Variants in LRP5 observed in about 807,000 individuals in gnomAD.
LRP5 encodes the protein LDL receptor related protein 5.
In LRP5, 62 loss-of-function variants were observed where a neutral mutation model predicts 154.1. That is an observed-to-expected ratio of 0.40 (90% CI 0.33 to 0.50). The LOEUF (loss-of-function observed/expected upper bound fraction) is 0.50. Ranked by LOEUF, LRP5 falls within the 20% of genes least tolerant of loss-of-function variation. LRP5 has a pLI of 0.55. For missense variants in LRP5, 1,915 were observed against 2,336.7 expected (o/e 0.82, Z 3.72); for synonymous variants, 966 against 1,011.5 (o/e 0.96, Z 0.85).
At position 68,386,812 on chromosome 11, in the gene LRP5, T is replaced by A; in HGVS notation, c.1412+100T>A. On this transcript the variant is annotated intron_variant, in intron 6 of 22. Coordinates refer to ENST00000294304, the MANE Select transcript of LRP5 (RefSeq NM_002335.4). The surrounding 1 kb of genome is among the most constrained non-coding windows in gnomAD (Gnocchi z 7.9). ...TGTCATTCTGGGACACTGTCTTGCA[T>A]CAGAACCCGGAGGAGGGCTTGTTAA... 1 of 1,365,154 alleles carries A rather than the reference T, an allele frequency of 7.3e-7. No homozygotes were observed. Among genetic ancestry groups the A allele is most frequent in the East Asian group, 2.4e-5 (1 of 41,334 alleles). The allele number at this position is 1,365,154 out of a possible 1,614,324, so 84.6% of individuals were successfully genotyped here.
intron 1 of LRP5, among the ~76,000 whole-genome samples, chr11:68,329,575 C>A (rs1194315989): frequency 6.6e-6 from 1 of 152,230 alleles, no homozygotes; most frequent in Non-Finnish European, 1.5e-5. Context: ...TCCCAGACCT[C>A]AGCCTGCCCA....
chr11:68,390,103 C>A (rs1483393066), intron 7 of LRP5, 51 bp downstream of exon 7: 15 of 1,602,848 alleles, frequency 9.4e-6, no homozygotes, highest in Non-Finnish European at 1.3e-5. Flanking sequence ...CCAGCCACCC[C>A]CTGCAGCCAG....
rs148815764 is a variant in LRP5, at chr11:68,380,138, A to G, written c.1016-6178A>G. Among the ~76,000 whole-genome samples, 96 of 152,362 alleles carry G rather than the reference A, an allele frequency of 6.3e-4. 1 individual carries two copies. In the East Asian group the frequency reaches 0.014, roughly 23 times the overall value. Reference sequence around the variant, plus strand: ...ATAAGAGTGAAGCTTCGTCTCAAAAACAAAGTCACACACGCTTCTTGTACG... The same window carrying G: ...ATAAGAGTGAAGCTTCGTCTCAAAAGCAAAGTCACACACGCTTCTTGTACG... On this transcript the variant is annotated intron_variant, in intron 5 of 22. Transcript: ENST00000294304.
At chr11:68,400,253 C>T (rs2098651909) in intron 7 of LRP5, among the ~76,000 whole-genome samples, 1 of 152,178 alleles carries the variant, frequency 6.6e-6, no homozygotes, top group African/African-American at 2.4e-5. Context: ...GGCCGCTGCC[C>T]AGCACCCTTG....
chr11:68,341,056 G>GTTTTTTTTTTTTTTT (rs1466472469), intron 1 of LRP5, among the ~76,000 whole-genome samples: 19 of 51,444 alleles, frequency 3.7e-4, no homozygotes, highest in Admixed American at 6.8e-4. Flanking sequence ...GCTGGAGATT[G>GTTTTTTTTTTTTTTT]TTCTTTTTTT....
rs145608758 is a variant in LRP5, at chr11:68,448,926, G to A, written c.4704G>A (p.Ser1568=). ...KASKYYLDLN[S]DSDPYPPPPT... The stretch of plus-strand genomic sequence containing the variant: ...GCAAGTACTACCTGGATTTGAACTC[G>A]GACTCAGACCCCTATCCACCCCCAC... Residue 1568 remains serine (S), a synonymous_variant, in exon 23 of 23, where the codon TCG becomes TCA. Transcript: ENST00000294304. 17 of 1,613,420 alleles carry A rather than the reference G, an allele frequency of 1.1e-5. No homozygotes were observed. Among genetic ancestry groups the A allele is most frequent in the African/African-American group, 4.0e-5 (3 of 74,886 alleles).
At position 68,446,651 on chromosome 11, in the gene LRP5, C is replaced by T. The variant is rs2242340; in HGVS notation, c.4586+118C>T. On this transcript the variant is annotated intron_variant, in intron 22 of 22. Coordinates refer to ENST00000294304, the MANE Select transcript of LRP5 (RefSeq NM_002335.4). The stretch of plus-strand genomic sequence containing the variant: ...ATTCTGGGTGCTAGTGGGCAGGTGC[C>T]GGGCCCAGCCCTGCCTCCCTCTGCT... 0.092 allele frequency: 83,107 copies of T among 907,300 alleles called. 4,225 individuals are homozygous for T. Among genetic ancestry groups the T allele is most frequent in the Middle Eastern group, 0.15 (719 of 4,710 alleles). 56.2% of individuals were successfully genotyped at this position (907,300 alleles called of 1,614,324 possible).
chr11:68,333,152 G>A (rs191598069), intron 1 of LRP5, among the ~76,000 whole-genome samples: 108 of 152,292 alleles, frequency 7.1e-4, no homozygotes, highest in Non-Finnish European at 1.3e-3. Flanking sequence ...TAGGAGAGAC[G>A]CGTAGATGTT....
intron 5 of LRP5, among the ~76,000 whole-genome samples, chr11:68,373,278 C>T (rs2098635368): frequency 1.3e-5 from 2 of 152,132 alleles, no homozygotes. Context: ...AGTCAGGTGC[C>T]TTCCCCAAGG....
Position 68,413,797 on chromosome 11 carries a change from C to T in LRP5, c.2612C>T (p.Ala871Val). ...TGGAATCTGCACAGCATTGAGCGGG[C>T]CGACAAGACTAGCGGCCGGAACCGC... ...TDWNLHSIERADKTSGRNRTL... is the reference protein window; with the variant it reads ...TDWNLHSIERVDKTSGRNRTL... Residue 871 changes from alanine to valine, a missense_variant, in exon 12 of 23, where the codon GCC becomes GTC. Around this residue, in one of 3 missense-constraint regions of LRP5, gnomAD observed 1,094 missense variants for 1,210.1 expected, o/e 0.90. Coordinates refer to ENST00000294304, the MANE Select transcript of LRP5 (RefSeq NM_002335.4). The surrounding 1 kb of genome is among the most constrained non-coding windows in gnomAD (Gnocchi z 5.1). 2 of 1,613,526 alleles carry T rather than the reference C, an allele frequency of 1.2e-6. No individual in the cohort carries two copies. The highest frequency in any genetic ancestry group is 1.3e-5 in the African/African-American group (1 of 75,056).
intron 3 of LRP5, among the ~76,000 whole-genome samples, chr11:68,358,221 TCCTCCCGCCTCAG>T (rs2098624820): frequency 6.6e-6 from 1 of 151,990 alleles, no homozygotes; most frequent in South Asian, 2.1e-4. Flanking sequence ...GCTCAAGCGA[TCCTCCCGCCTCAG>T]CCTCCCGAGT....
intron 21 of LRP5, among the ~76,000 whole-genome samples, chr11:68,440,703 C>T (rs2098677718): frequency 1.3e-5 from 2 of 152,188 alleles, no homozygotes; most frequent in Admixed American, 1.3e-4. Context: ...CCCCACCTTG[C>T]TGGGGCTGGT....
At chr11:68,299,865 G>A in the LRP5 span, among the ~76,000 whole-genome samples, 1 of 148,640 alleles carries the variant, frequency 6.7e-6, no homozygotes, top group Non-Finnish European at 1.5e-5. Flanking sequence ...TTGCAGGCGC[G>A]AGCCATCGCG....
chr11:68,421,168 G>A (rs906916720), intron 13 of LRP5, among the ~76,000 whole-genome samples: 14 of 152,080 alleles, frequency 9.2e-5, no homozygotes, highest in South Asian at 2.1e-4. Context: ...CGGAGCTTGC[G>A]GTGAGCCGAG....
intron 21 of LRP5, among the ~76,000 whole-genome samples, chr11:68,443,991 G>A (rs1229196275): frequency 4.0e-5 from 6 of 151,784 alleles, no homozygotes; most frequent in Non-Finnish European, 8.8e-5. Flanking sequence ...TCCTCCTTTC[G>A]TTTTACGTTC....
chr11:68,425,256 G>A lies in LRP5; in HGVS notation c.3391G>A (p.Ala1131Thr), dbSNP rs1272835374. The A allele has an allele frequency of 6.8e-6, 11 of 1,611,128 alleles. No individual in the cohort carries two copies. The highest frequency in any genetic ancestry group is 2.7e-5 in the African/African-American group (2 of 75,060). ...ACTGGGCAAGCTGTTCTGGGTGGAC[G>A]CGGACCTGAAGCGCATTGAGAGCTG... The part of the protein sequence containing the change: ...NTLGKLFWVD[A>T]DLKRIESCDL... The change falls in exon 15 of 23, where the codon GCG becomes ACG. Residue 1131 changes from alanine to threonine, a missense_variant. Ala to Thr is a moderately conservative substitution (Grantham distance 58, BLOSUM62 0). Around this residue, in one of 3 missense-constraint regions of LRP5, gnomAD observed 1,094 missense variants for 1,210.1 expected, o/e 0.90. Coordinates refer to ENST00000294304, the MANE Select transcript of LRP5 (RefSeq NM_002335.4).
intron 6 of LRP5, among the ~76,000 whole-genome samples, 151 bp from the exon 7 acceptor site, chr11:68,389,714 ACACCGACATTTACGAG>A (rs1239664112): frequency 3.0e-4 from 45 of 150,774 alleles, no homozygotes; most frequent in Non-Finnish European, 5.8e-4. Flanking sequence ...ATGTTTACCA[ACACCGACATTTACGAG>A]CACCGACATT....
At chr11:68,335,857 C>A (rs1295543571) in intron 1 of LRP5, among the ~76,000 whole-genome samples, 1 of 152,152 alleles carries the variant, frequency 6.6e-6, no homozygotes, top group Admixed American at 6.5e-5. Context: ...GCGTTGTGGC[C>A]TCAGTTGACC....
At position 68,399,784 on chromosome 11, in the gene LRP5, C is replaced by A. The variant is rs766173469; in HGVS notation, c.1585-3699C>A. On this transcript the variant is annotated intron_variant, in intron 7 of 22. Coordinates refer to ENST00000294304, the MANE Select transcript of LRP5 (RefSeq NM_002335.4). ...GCCCCAGGTCTGGGGGAGGCCTGAC[C>A]CAGCAGAGTGGCTTTTGCCGATGGG... Among the ~76,000 whole-genome samples, 73 of 152,338 alleles carry A rather than the reference C, an allele frequency of 4.8e-4. 1 individual carries two copies. Among genetic ancestry groups the A allele is most frequent in the South Asian group, 1.7e-3 (8 of 4,830 alleles).
Sources: gnomAD v4.1 joint callset for allele counts (sites outside exome capture counted in the v4.1 genomes callset) on GRCh38, gnomAD v4.1.1 for gene constraint, gnomAD v4.1.1 regional missense constraint, Gnocchi (gnomAD v3.1) non-coding constraint, MANE v1.5 for transcripts, NCBI Gene and HGNC (gene_info 2026-07-23, HGNC 2026-07-21) for gene names.